The following EEFSEC variants were observed in gnomAD, a reference collection of about 807,000 sequenced individuals.
EEFSEC encodes the protein selenocysteine-specific elongation factor.
A neutral mutation model predicts 42.1 loss-of-function variants in EEFSEC; 43 were observed. The observed-to-expected ratio is 1.02, with a 90% CI of 0.80 to 1.32. The LOEUF (loss-of-function observed/expected upper bound fraction) is 1.32. Among genes scored for constraint, EEFSEC ranks in the 40% most tolerant of loss-of-function variants. EEFSEC has a pLI of 0.00. For synonymous variants in EEFSEC, 354 were observed against 339.1 expected (o/e 1.04, Z -0.48); for missense variants, 745 against 803.6 (o/e 0.93, Z 0.88).
chr3:128,378,686 C>T (rs764266336), intron 6 of EEFSEC, among the ~76,000 whole-genome samples: 3 of 152,188 alleles, frequency 2.0e-5, no homozygotes, highest in African/African-American at 4.8e-5. Flanking sequence ...ACTCAGGCAG[C>T]CCTCTCTCCT....
intron 5 of EEFSEC, among the ~76,000 whole-genome samples, chr3:128,349,197 G>A (rs1281998836): frequency 6.6e-6 from 1 of 152,164 alleles, no homozygotes; most frequent in Non-Finnish European, 1.5e-5. Flanking sequence ...GAGGCAGGCA[G>A]GGCCAGCCAT....
At chr3:128,372,387 C>T (rs999782473) in intron 6 of EEFSEC, among the ~76,000 whole-genome samples, 2 of 152,200 alleles carry the variant, frequency 1.3e-5, no homozygotes, top group African/African-American at 4.8e-5. Flanking sequence ...GTCAAGGGGC[C>T]TAAAACCCTG....
At chr3:128,367,372 A>G (rs764460416) in intron 6 of EEFSEC, among the ~76,000 whole-genome samples, 15 of 152,200 alleles carry the variant, frequency 9.9e-5, no homozygotes, top group Non-Finnish European at 7.3e-5. Context: ...TAGGACCCCA[A>G]CCGAGTCTGG....
rs112702324 is a variant in EEFSEC at position 128,341,704 on chromosome 3, G to A, written c.1258G>A (p.Val420Ile). The A allele has an allele frequency of 2.2e-4, 354 of 1,614,136 alleles. 1 individual carries two copies. The African/African-American group carries it at 2.5e-3, about 11-fold the overall frequency. The change falls in exon 5 of 7, where the codon GTC (valine) becomes ATC (isoleucine). Residue 420 changes from valine to isoleucine, a missense_variant. By Grantham distance (29) the Val-to-Ile change is conservative (BLOSUM62 3). Coordinates refer to ENST00000254730, the MANE Select transcript of EEFSEC (RefSeq NM_021937.5). ...GGCCCTGGTGGAGTTTGAGAAGCCC[G>A]TCACCTGCCCTCGGCTGTGCCTGGT... ...QWALVEFEKP[V>I]TCPRLCLVIG...
At chr3:128,363,741 G>A (rs990021934) in intron 6 of EEFSEC, among the ~76,000 whole-genome samples, 4 of 152,214 alleles carry the variant, frequency 2.6e-5, no homozygotes, top group African/African-American at 9.7e-5. Flanking sequence ...AATAGGAAGT[G>A]TTGCTTGCAT....
chr3:128,341,351 T>C lies in EEFSEC; in HGVS notation c.905T>C (p.Leu302Ser). ...GACCCTAAGCTGCTGGAGCGCGGGTTGGTGTGTGCCCCCGAGTCCCTGCAC... is the reference window on the plus strand; with the variant it reads ...GACCCTAAGCTGCTGGAGCGCGGGTCGGTGTGTGCCCCCGAGTCCCTGCAC... Reference protein sequence around the residue: ...QFDPKLLERGLVCAPESLHTV... With the variant: ...QFDPKLLERGSVCAPESLHTV... Residue 302 changes from leucine (L) to serine (S), a missense_variant, in exon 5 of 7, where the codon TTG (leucine) becomes TCG (serine). Transcript: ENST00000254730. 2 of 1,614,106 alleles carry C rather than the reference T, an allele frequency of 1.2e-6. No individual in the cohort carries two copies. The highest frequency in any genetic ancestry group is 1.7e-6 in the Non-Finnish European group (2 of 1,180,022).
intron 5 of EEFSEC, among the ~76,000 whole-genome samples, chr3:128,345,990 G>C (rs2067308102): frequency 1.3e-5 from 2 of 152,212 alleles, no homozygotes; most frequent in Non-Finnish European, 1.5e-5. Context: ...ATAAGGTCTA[G>C]AAAGAAAATA....
the EEFSEC span, among the ~76,000 whole-genome samples, chr3:128,417,085 T>C: frequency 6.6e-6 from 1 of 152,060 alleles, no homozygotes; most frequent in East Asian, 1.9e-4. The surrounding 1 kb of genome is among the most constrained non-coding windows in gnomAD (Gnocchi z 4.3). Context: ...CCCCACCCCA[T>C]GGCCACCAGC....
chr3:128,413,783 G>C, the EEFSEC span, among the ~76,000 whole-genome samples: 2 of 152,190 alleles, frequency 1.3e-5, no homozygotes, highest in African/African-American at 2.4e-5. Context: ...ACTCGGCCCC[G>C]AGCCTCCAGC....
intron 6 of EEFSEC, among the ~76,000 whole-genome samples, chr3:128,402,127 C>T (rs1350148731): frequency 1.3e-5 from 2 of 152,220 alleles, no homozygotes; most frequent in Non-Finnish European, 2.9e-5. Flanking sequence ...AGACATCCCC[C>T]TGTGAGTAAC....
chr3:128,379,387 G>T (rs562041878), intron 6 of EEFSEC, among the ~76,000 whole-genome samples: 8 of 152,286 alleles, frequency 5.3e-5, no homozygotes, highest in African/African-American at 1.9e-4. Context: ...CCCAGCGTTT[G>T]AAACAAAGAC....
At chr3:128,233,347 T>G (rs2065977708) in intron 1 of EEFSEC, among the ~76,000 whole-genome samples, 1 of 152,258 alleles carries the variant, frequency 6.6e-6, no homozygotes, top group South Asian at 2.1e-4. Flanking sequence ...TGATATGATT[T>G]AAACATACAT....
At chr3:128,190,102 A>G (rs1413097624) in intron 1 of EEFSEC, among the ~76,000 whole-genome samples, 1 of 151,982 alleles carries the variant, frequency 6.6e-6, no homozygotes, top group African/African-American at 2.4e-5. Context: ...AGCTCAGGCA[A>G]TGCACCCGCC....
intron 4 of EEFSEC, among the ~76,000 whole-genome samples, chr3:128,288,713 A>T (rs892095738): frequency 2.6e-5 from 4 of 152,258 alleles, no homozygotes; most frequent in Non-Finnish European, 4.4e-5. Context: ...AAGTCTCCAG[A>T]TGGAAATGTC....
chr3:128,335,374 A>T (rs1437529187), intron 4 of EEFSEC, among the ~76,000 whole-genome samples: 1 of 152,080 alleles, frequency 6.6e-6, no homozygotes, highest in Non-Finnish European at 1.5e-5. Context: ...GGGTGGGGTG[A>T]CTGAGGAGGG....
At chr3:128,344,156 G>A (rs1311213085) in intron 5 of EEFSEC, among the ~76,000 whole-genome samples, 2 of 152,366 alleles carry the variant, frequency 1.3e-5, no homozygotes. Flanking sequence ...GGGGCTGGCT[G>A]TAGGCTGGGG....
chr3:128,344,150 C>T (rs976226169), intron 5 of EEFSEC, among the ~76,000 whole-genome samples: 3 of 152,254 alleles, frequency 2.0e-5, no homozygotes, highest in Non-Finnish European at 2.9e-5. Context: ...ATGCTAGGGG[C>T]TGGCTGTAGG....
At chr3:128,367,921 C>T (rs1024903138) in intron 6 of EEFSEC, 1 of 882,528 alleles carries the variant, frequency 1.1e-6, no homozygotes, top group African/African-American at 1.8e-5. Flanking sequence ...CCTGCGATCA[C>T]TTGCCTAATG....
intron 4 of EEFSEC, among the ~76,000 whole-genome samples, chr3:128,337,807 C>T (rs534102792): frequency 1.2e-4 from 18 of 152,304 alleles, no homozygotes; most frequent in African/African-American, 4.3e-4. Flanking sequence ...TTGGAGCAGA[C>T]GTGTATCAAT....
Sources: allele counts gnomAD v4.1 joint callset (sites outside exome capture counted in the v4.1 genomes callset), GRCh38; gene constraint gnomAD v4.1.1; non-coding constraint Gnocchi (gnomAD v3.1); transcripts MANE v1.5; gene names NCBI Gene and HGNC (gene_info 2026-07-23, HGNC 2026-07-21).